Variants in DRC4 observed in about 807,000 individuals in gnomAD.
DRC4 encodes the protein GAS-11.
chr16:90,036,446 A>G, the DRC4 span: 1 of 1,614,084 alleles, frequency 6.2e-7, no homozygotes, highest in South Asian at 1.1e-5. Context: ...GCGGAGAAAG[A>G]CTGAGCTCCA....
At chr16:90,029,402 C>A in the DRC4 span, 1 of 1,002,150 alleles carries the variant, frequency 1.0e-6, no homozygotes. Context: ...TTCTGATTTT[C>A]CAAGAGAAGC....
chr16:90,037,370 A>G, the DRC4 span: 2 of 1,613,810 alleles, frequency 1.2e-6, no homozygotes, highest in South Asian at 1.1e-5. Context: ...ACAGCTCGCA[A>G]ACTACGAGAG....
chr16:90,043,589 T>A, the DRC4 span: 1 of 607,416 alleles, frequency 1.6e-6, no homozygotes, highest in Non-Finnish European at 3.1e-6. Context: ...CCAGGCCTAC[T>A]CCCTGGTCTC....
At chr16:90,037,918 G>A in the DRC4 span, 39 of 1,405,246 alleles carry the variant, frequency 2.8e-5, no homozygotes, top group Admixed American at 4.4e-4. Flanking sequence ...AGTTCACCAA[G>A]GTGAGCGGGC....
At chr16:90,039,265 A>G in the DRC4 span, among the ~76,000 whole-genome samples, 1 of 152,150 alleles carries the variant, frequency 6.6e-6, no homozygotes, top group Non-Finnish European at 1.5e-5. Flanking sequence ...ATTTTCTTCC[A>G]TTTGAATGTG....
chr16:90,031,417 TGGA>T, the DRC4 span: 2 of 1,613,338 alleles, frequency 1.2e-6, no homozygotes, highest in East Asian at 4.5e-5. Context: ...CGGAGGCAGC[TGGA>T]GGAGAAGAAG....
the DRC4 span, chr16:90,033,031 C>T: frequency 1.9e-6 from 2 of 1,077,298 alleles, no homozygotes; most frequent in East Asian, 2.6e-5. Flanking sequence ...CATATTTCTG[C>T]ATAAGACTTT....
At chr16:90,037,407 T>G in the DRC4 span, 18 of 1,605,960 alleles carry the variant, frequency 1.1e-5, no homozygotes, top group Non-Finnish European at 1.5e-5. Context: ...CTTGTGAGTT[T>G]CCCGCTGGAT....
chr16:90,026,117 T>C, the DRC4 span, among the ~76,000 whole-genome samples: 3 of 151,900 alleles, frequency 2.0e-5, no homozygotes, highest in South Asian at 6.2e-4. Context: ...CAAGACTTTG[T>C]CTTTAAAAAA....
At chr16:90,040,659 G>GCGGCCCCTCCTTCACCTTCTGC in the DRC4 span, 1 of 267,784 alleles carries the variant, frequency 3.7e-6, no homozygotes, top group East Asian at 3.7e-5. Context: ...GCCAGTTTCG[G>GCGGCCCCTCCTTCACCTTCTGC]GCCAGTTGGG....
the DRC4 span, among the ~76,000 whole-genome samples, chr16:90,024,595 G>C: frequency 6.6e-6 from 1 of 152,168 alleles, no homozygotes; most frequent in Admixed American, 6.5e-5. Flanking sequence ...GAAGGGAGGA[G>C]AGACAAGGCT....
the DRC4 span, among the ~76,000 whole-genome samples, chr16:90,038,197 T>C: frequency 2.4e-4 from 36 of 152,208 alleles, no homozygotes; most frequent in African/African-American, 7.5e-4. Context: ...TGAAAGCACA[T>C]GAGGGAGGCT....
the DRC4 span, chr16:90,036,686 C>T: frequency 5.2e-6 from 5 of 964,814 alleles, no homozygotes; most frequent in Non-Finnish European, 6.5e-6. Flanking sequence ...CACCCCAACA[C>T]ACCCAGTACT....
the DRC4 span, chr16:90,028,870 C>T: frequency 9.0e-7 from 1 of 1,110,572 alleles, no homozygotes; most frequent in Non-Finnish European, 1.2e-6. Context: ...GAAAGAGTCT[C>T]ATGACCTGAA....
At chr16:90,031,877 G>A in the DRC4 span, among the ~76,000 whole-genome samples, 2 of 152,178 alleles carry the variant, frequency 1.3e-5, no homozygotes, top group African/African-American at 4.8e-5. Flanking sequence ...AAGTGAGCAG[G>A]TGGATGCAAG....
the DRC4 span, chr16:90,029,474 G>C: frequency 6.0e-6 from 3 of 496,104 alleles, no homozygotes; most frequent in Non-Finnish European, 1.0e-5. Context: ...TCAACACCAT[G>C]TGAGCCAAAC....
At chr16:90,036,479 G>A in the DRC4 span, 103 of 1,613,728 alleles carry the variant, frequency 6.4e-5, no homozygotes, top group Non-Finnish European at 8.6e-5. Flanking sequence ...GAGGAAGAAT[G>A]GCCAGATCCA....
the DRC4 span, among the ~76,000 whole-genome samples, chr16:90,022,903 C>T: frequency 1.3e-5 from 2 of 152,142 alleles, no homozygotes; most frequent in South Asian, 2.1e-4. Context: ...TGCTCCCGGC[C>T]CCGGGGCCTG....
At chr16:90,042,185 C>T in the DRC4 span, 1 of 501,070 alleles carries the variant, frequency 2.0e-6, no homozygotes, top group Non-Finnish European at 3.9e-6. Flanking sequence ...ATCTGCCCTC[C>T]TTGGCCTCCC....
Sources: gnomAD v4.1 joint callset for allele counts (sites outside exome capture counted in the v4.1 genomes callset) on GRCh38, gnomAD v4.1.1 for gene constraint, MANE v1.5 for transcripts, NCBI Gene and HGNC (gene_info 2026-07-23, HGNC 2026-07-21) for gene names.